RCAN3: variants seen among roughly 807,000 people sequenced by gnomAD.
RCAN3 encodes the protein regulator of calcineurin 3.
In RCAN3, 19 loss-of-function variants were observed where a neutral mutation model predicts 21.9. The ratio of observed to expected loss-of-function variants is 0.87; its 90% CI spans 0.61 to 1.27. RCAN3 has a LOEUF of 1.27. Among genes scored for constraint, RCAN3 ranks in the 50% most tolerant of loss-of-function variants. The pLI, the probability that RCAN3 is intolerant of heterozygous loss-of-function variation, is 0.00. For missense variants in RCAN3, 240 were observed against 300.1 expected (o/e 0.80, Z 1.48); for synonymous variants, 114 against 112.3 (o/e 1.01, Z -0.09).
intron 1 of RCAN3, among the ~76,000 whole-genome samples, chr1:24,506,111 G>C (rs536925527): frequency 6.6e-5 from 10 of 152,280 alleles, no homozygotes; most frequent in African/African-American, 2.2e-4. Flanking sequence ...TTTGCTTACA[G>C]GAGCTGGAGG....
In RCAN3 at chr1:24,533,097, C is replaced by G. The variant is rs34116411; in HGVS notation, c.384C>G (p.Gly128=). ...KLYFAQVQMS[G]EVRDKSYLLP... is the part of the protein sequence containing the mutation. ...GCTCCCTGCAGGTGCAGATGTCCGG[C>G]GAAGTGCGGGACAAGTCCTATCTCC... is the stretch of plus-strand genomic sequence containing the variant. Residue 128 remains glycine, a synonymous_variant, in exon 4 of 5, where the codon GGC becomes GGG. Coordinates refer to ENST00000374395, the MANE Select transcript of RCAN3 (RefSeq NM_013441.4). The G allele has an allele frequency of 1.3e-6, 2 of 1,493,758 alleles. No individual in the cohort carries two copies. Among genetic ancestry groups the G allele is most frequent in the Admixed American group, 4.9e-5 (2 of 41,082 alleles). The allele number at this position is 1,493,758 out of a possible 1,614,324, so 92.5% of individuals were successfully genotyped here. A position where few individuals can be genotyped will look rare whatever the true frequency, so the allele number is the denominator to read the frequency against.
intron 3 of RCAN3, 52 bp downstream of exon 3, chr1:24,531,443 A>G (rs1048507590): frequency 1.5e-6 from 2 of 1,353,414 alleles, no homozygotes; most frequent in Non-Finnish European, 2.0e-6. Context: ...TTCTCCATCC[A>G]AAAATATTTT....
intron 1 of RCAN3, among the ~76,000 whole-genome samples, chr1:24,512,786 T>C (rs1245415680): frequency 6.6e-6 from 1 of 152,218 alleles, no homozygotes; most frequent in Non-Finnish European, 1.5e-5. Context: ...AAATGTGTCA[T>C]GTCCAAGGCT....
chr1:24,508,600 G>A (rs1647638461), intron 1 of RCAN3, among the ~76,000 whole-genome samples: 1 of 152,200 alleles, frequency 6.6e-6, no homozygotes, highest in African/African-American at 2.4e-5. Context: ...GGGACACAGG[G>A]AGGTCTAAGA....
At chr1:24,504,830 C>A (rs1482020556) in intron 1 of RCAN3, among the ~76,000 whole-genome samples, 1 of 152,206 alleles carries the variant, frequency 6.6e-6, no homozygotes, top group African/African-American at 2.4e-5. Flanking sequence ...CAACAAATAG[C>A]ATCAGTCTTA....
intron 1 of RCAN3, among the ~76,000 whole-genome samples, chr1:24,509,243 G>C (rs1054289010): frequency 1.3e-5 from 2 of 152,214 alleles, no homozygotes; most frequent in Non-Finnish European, 2.9e-5. Flanking sequence ...GCTGCTGACT[G>C]ATCAGGGTGG....
intron 2 of RCAN3, 95 bp downstream of exon 2, chr1:24,514,662 TATA>T: frequency 1.6e-6 from 2 of 1,252,152 alleles, no homozygotes; most frequent in Non-Finnish European, 2.2e-6. Context: ...ACAAATTAAG[TATA>T]GAAAGTGTAT....
intron 1 of RCAN3, chr1:24,507,692 C>A (rs1051714277): frequency 6.6e-6 from 1 of 152,200 alleles, no homozygotes; most frequent in Non-Finnish European, 1.5e-5. Flanking sequence ...TCCGCAGGGC[C>A]CCTTTCCAGA....
chr1:24,517,235 T>A (rs374471902), intron 2 of RCAN3, among the ~76,000 whole-genome samples: 6 of 151,820 alleles, frequency 4.0e-5, no homozygotes, highest in African/African-American at 1.5e-4. Flanking sequence ...CTGCCTCAGC[T>A]TCCTGAGTAG....
At chr1:24,518,168 AT>A (rs376563126) in intron 2 of RCAN3, among the ~76,000 whole-genome samples, 4,018 of 151,812 alleles carry the variant, frequency 0.026, 77 homozygotes, top group African/African-American at 0.05. Flanking sequence ...CTATAAAAAA[AT>A]TTTTTTTTCC....
intron 1 of RCAN3, among the ~76,000 whole-genome samples, chr1:24,509,570 A>G (rs767447907): frequency 1.3e-5 from 2 of 152,230 alleles, no homozygotes; most frequent in Admixed American, 6.5e-5. Flanking sequence ...TTGAGATTGC[A>G]GGAATTCAGT....
chr1:24,532,374 A>G (rs138856738), intron 3 of RCAN3, among the ~76,000 whole-genome samples: 12,626 of 151,998 alleles, frequency 0.083, 1,249 homozygotes, highest in African/African-American at 0.24. Context: ...CTACAGGCAT[A>G]TGCCACCACA....
intron 2 of RCAN3, among the ~76,000 whole-genome samples, chr1:24,515,293 A>C (rs557641033): frequency 6.6e-6 from 1 of 152,256 alleles, no homozygotes; most frequent in African/African-American, 2.4e-5. Context: ...CATAAAACCT[A>C]TTAGGACTAT....
intron 2 of RCAN3, among the ~76,000 whole-genome samples, chr1:24,524,741 A>G (rs56961355): frequency 0.15 from 22,206 of 152,078 alleles, 1,740 homozygotes; most frequent in African/African-American, 0.18. Context: ...TTAGGATGCT[A>G]AAGATAATTT....
chr1:24,516,790 G>A (rs1285573279), intron 2 of RCAN3, among the ~76,000 whole-genome samples: 3 of 152,190 alleles, frequency 2.0e-5, no homozygotes, highest in South Asian at 2.1e-4. Context: ...GATTGCACCC[G>A]CCTGGAGATG....
At chr1:24,508,495 A>G (rs1393292357) in intron 1 of RCAN3, among the ~76,000 whole-genome samples, 2 of 152,204 alleles carry the variant, frequency 1.3e-5, no homozygotes, top group Non-Finnish European at 2.9e-5. Context: ...CAGGAGAGAA[A>G]GATGAAAAAA....
Position 24,514,297 on chromosome 1 carries a change from TTC to T in RCAN3, c.-59-15_-59-14del. The T allele has an allele frequency of 3.0e-6, 4 of 1,331,980 alleles. No individual in the cohort carries two copies. Among genetic ancestry groups the T allele is most frequent in the Admixed American group, 2.6e-5 (1 of 38,808 alleles). The allele number at this position is 1,331,980 out of a possible 1,614,324, so 82.5% of individuals were successfully genotyped here. ...GTCTTCGGAGTTTTACCTCTGCATT[TTC>T]TTTTTTTTTAACAGTGGGTGCCTGA... On this transcript the variant is annotated splice_polypyrimidine_tract_variant and intron_variant, in intron 1 of 4. Coordinates refer to ENST00000374395, the MANE Select transcript of RCAN3 (RefSeq NM_013441.4).
rs1226225800 is a variant in RCAN3, at chr1:24,539,587, G to A, written c.*4310G>A. On this transcript the variant is annotated 3_prime_UTR_variant, in exon 5 of 5. Transcript: ENST00000374395. ...CAGTGGAATGATACTCTCACTCCGT[G>A]CTTGTAAAATTGAGTTCTATTCAAG... 6.6e-6 allele frequency: 1 copy of A among 152,244 alleles called. No individual in the cohort carries two copies. Among genetic ancestry groups the A allele is most frequent in the Non-Finnish European group, 1.5e-5 (1 of 68,054 alleles). The allele number at this position is 152,244 out of a possible 1,614,324, so 9.4% of individuals were successfully genotyped here.
intron 2 of RCAN3, among the ~76,000 whole-genome samples, chr1:24,530,729 G>A (rs969170983): frequency 5.9e-5 from 9 of 152,082 alleles, no homozygotes; most frequent in Admixed American, 2.0e-4. Flanking sequence ...ATAAGTGCAC[G>A]ACCCAGCTTG....
Sources: gnomAD v4.1 joint callset for allele counts (sites outside exome capture counted in the v4.1 genomes callset) on GRCh38, gnomAD v4.1.1 for gene constraint, MANE v1.5 for transcripts, NCBI Gene and HGNC (gene_info 2026-07-23, HGNC 2026-07-21) for gene names.